Variants in MAP7 observed in about 807,000 individuals in gnomAD.
MAP7 encodes the protein microtubule associated protein 7.
MAP7 carries 52 observed loss-of-function variants against 94.8 expected under a neutral mutation model. The ratio of observed to expected loss-of-function variants is 0.55; its 90% CI spans 0.44 to 0.69. The LOEUF is 0.69. Ranked by LOEUF, MAP7 falls within the 30% of genes least tolerant of loss-of-function variation. The pLI is 0.00. For missense variants in MAP7, 940 were observed against 964.6 expected (o/e 0.97, Z 0.34); for synonymous variants, 350 against 357.0 (o/e 0.98, Z 0.22).
chr6:136,545,910 C>T (rs777514179), intron 1 of MAP7, among the ~76,000 whole-genome samples: 5 of 152,190 alleles, frequency 3.3e-5, no homozygotes, highest in Non-Finnish European at 7.3e-5. Flanking sequence ...GTGTTACAAA[C>T]AATCCAATTA....
chr6:136,391,555 A>AAAACAAC (rs1554241525), intron 3 of MAP7, among the ~76,000 whole-genome samples: 35 of 149,750 alleles, frequency 2.3e-4, no homozygotes, highest in African/African-American at 4.9e-4. Context: ...GTATAATAAA[A>AAAACAAC]AACAACAACA....
chr6:136,489,202 C>T (rs965677086), intron 1 of MAP7, among the ~76,000 whole-genome samples: 2 of 151,862 alleles, frequency 1.3e-5, no homozygotes, highest in Non-Finnish European at 2.9e-5. Flanking sequence ...CATAATTCAC[C>T]TTGCCATCTG....
chr6:136,435,333 T>C (rs1796109505), intron 1 of MAP7, among the ~76,000 whole-genome samples: 1 of 152,068 alleles, frequency 6.6e-6, no homozygotes, highest in African/African-American at 2.4e-5. Flanking sequence ...ATCTCCCCAT[T>C]CTCTTCTTTA....
chr6:136,390,512 G>T (rs1780396336), intron 3 of MAP7, among the ~76,000 whole-genome samples: 1 of 152,002 alleles, frequency 6.6e-6, no homozygotes, highest in Non-Finnish European at 1.5e-5. Context: ...AATTAGGAAG[G>T]TGTGGTGGCA....
At chr6:136,409,592 G>A (rs1004294314) in intron 3 of MAP7, among the ~76,000 whole-genome samples, 1 of 152,204 alleles carries the variant, frequency 6.6e-6, no homozygotes, top group Non-Finnish European at 1.5e-5. Context: ...TATAATGCCT[G>A]CTCTTCTATC....
At chr6:136,447,161 A>AC (rs963112681) in intron 1 of MAP7, among the ~76,000 whole-genome samples, 2 of 151,652 alleles carry the variant, frequency 1.3e-5, no homozygotes, top group Admixed American at 6.6e-5. Flanking sequence ...AAAACTCATC[A>AC]CCCCCCCGAA....
chr6:136,526,746 C>T (rs1827973079), intron 1 of MAP7: 1 of 911,144 alleles, frequency 1.1e-6, no homozygotes. Context: ...GCTTTTTCTT[C>T]TTTTCTGGGC....
At chr6:136,409,365 C>G (rs1363394872) in intron 3 of MAP7, among the ~76,000 whole-genome samples, 1 of 151,976 alleles carries the variant, frequency 6.6e-6, no homozygotes, top group Non-Finnish European at 1.5e-5. Flanking sequence ...GCAGTCCAGC[C>G]TGGGCAACAT....
intron 4 of MAP7, 77 bp downstream of exon 4, chr6:136,389,277 C>T (rs1345276274): frequency 1.3e-6 from 2 of 1,494,782 alleles, no homozygotes; most frequent in African/African-American, 1.4e-5. Context: ...CTGCACCTGA[C>T]TGCAAAGTTT....
At chr6:136,366,513 A>G in intron 8 of MAP7, 74 bp from the exon 9 acceptor site, 1 of 1,013,558 alleles carries the variant, frequency 9.9e-7, no homozygotes, top group Non-Finnish European at 1.5e-6. Flanking sequence ...TCAACAGTGG[A>G]GCTAGAAACC....
intron 1 of MAP7, among the ~76,000 whole-genome samples, chr6:136,482,525 T>A (rs1027136395): frequency 6.7e-6 from 1 of 150,254 alleles, no homozygotes; most frequent in African/African-American, 2.5e-5. Flanking sequence ...CACTTGAACC[T>A]GGGAGGCAGG....
chr6:136,388,358 A>T, intron 5 of MAP7, 35 bp downstream of exon 5: 1 of 1,500,126 alleles, frequency 6.7e-7, no homozygotes, highest in Non-Finnish European at 9.2e-7. Flanking sequence ...CTTTCAGGAA[A>T]ATAAAGACTA....
At chr6:136,372,301 G>A (rs1774767779) in intron 8 of MAP7, among the ~76,000 whole-genome samples, 200 bp downstream of exon 8, 1 of 152,202 alleles carries the variant, frequency 6.6e-6, no homozygotes, top group African/African-American at 2.4e-5. Context: ...TGTTTAGGGA[G>A]AGCAAAATCC....
At chr6:136,377,146 A>C (rs1351743841) in intron 7 of MAP7, among the ~76,000 whole-genome samples, 1 of 152,222 alleles carries the variant, frequency 6.6e-6, no homozygotes, top group Non-Finnish European at 1.5e-5. Flanking sequence ...TTTGCATTTC[A>C]AAAAAGTAGG....
chr6:136,441,649 G>A (rs1356411676), intron 1 of MAP7, among the ~76,000 whole-genome samples: 1 of 152,098 alleles, frequency 6.6e-6, no homozygotes, highest in African/African-American at 2.4e-5. Flanking sequence ...GAGTTTTATG[G>A]TCCCCAGAGA....
intron 1 of MAP7, among the ~76,000 whole-genome samples, chr6:136,450,689 C>T (rs554469289): frequency 1.3e-5 from 2 of 151,618 alleles, no homozygotes; most frequent in South Asian, 2.1e-4. Context: ...AAGGCTGAGG[C>T]GGGAGAACTG....
intron 1 of MAP7, among the ~76,000 whole-genome samples, chr6:136,530,850 C>A (rs564528674): frequency 1.4e-5 from 2 of 144,946 alleles, no homozygotes; most frequent in Non-Finnish European, 2.9e-5. Flanking sequence ...AGCGGTGATG[C>A]CATCAGCCAG....
At chr6:136,359,448 A>C (rs1399767723) in intron 15 of MAP7, among the ~76,000 whole-genome samples, 1 of 152,224 alleles carries the variant, frequency 6.6e-6, no homozygotes, top group Non-Finnish European at 1.5e-5. Flanking sequence ...ATAAATATAC[A>C]CTACTTGAGC....
At chr6:136,548,838 T>C (rs1829922230) in intron 1 of MAP7, among the ~76,000 whole-genome samples, 1 of 152,234 alleles carries the variant, frequency 6.6e-6, no homozygotes, top group Admixed American at 6.5e-5. Context: ...ACGAAAATCA[T>C]GCCGTATATT....
Sources: allele counts gnomAD v4.1 joint callset (sites outside exome capture counted in the v4.1 genomes callset), GRCh38; gene constraint gnomAD v4.1.1; transcripts MANE v1.5; gene names NCBI Gene and HGNC (gene_info 2026-07-23, HGNC 2026-07-21).